CDYL2: variants seen among roughly 807,000 people sequenced by gnomAD.
The protein encoded by CDYL2 is chromodomain Y like 2.
Under a neutral mutation model 49.4 loss-of-function variants are expected in CDYL2, and 23 were observed. The observed-to-expected ratio is 0.47, with a 90% CI of 0.34 to 0.66. The LOEUF (loss-of-function observed/expected upper bound fraction) is 0.66. Ranked by LOEUF, CDYL2 falls within the 30% of genes least tolerant of loss-of-function variation. The pLI is 0.01. For synonymous variants in CDYL2, 360 were observed against 268.8 expected (o/e 1.34, Z -3.32); for missense variants, 678 against 656.4 (o/e 1.03, Z -0.36).
At chr16:80,770,402 C>T (rs184958510) in intron 1 of CDYL2, among the ~76,000 whole-genome samples, 2 of 152,236 alleles carry the variant, frequency 1.3e-5, no homozygotes, top group Admixed American at 1.3e-4. Context: ...TCCTCCACAC[C>T]ATGGTTTTCA....
intron 3 of CDYL2, among the ~76,000 whole-genome samples, chr16:80,623,592 A>T (rs1199354639): frequency 1.3e-5 from 2 of 152,212 alleles, no homozygotes; most frequent in African/African-American, 4.8e-5. Context: ...CTTCATGTTC[A>T]TGGGACCTGC....
intron 2 of CDYL2, among the ~76,000 whole-genome samples, chr16:80,647,730 T>C (rs535043746): frequency 2.6e-5 from 4 of 152,186 alleles, no homozygotes; most frequent in Non-Finnish European, 5.9e-5. Context: ...GGCTGCAGCA[T>C]TCTCTTCTGT....
intron 2 of CDYL2, among the ~76,000 whole-genome samples, chr16:80,633,716 A>AC (rs146240167): frequency 0.084 from 12,756 of 151,906 alleles, 996 homozygotes; most frequent in Admixed American, 0.25. Flanking sequence ...GGGCTCTGGG[A>AC]CCCCCCTAGG....
intron 1 of CDYL2, among the ~76,000 whole-genome samples, chr16:80,724,893 G>A (rs1905115415): frequency 1.3e-5 from 2 of 152,148 alleles, no homozygotes. Flanking sequence ...GGTGGCCAGG[G>A]GAATCTTTTA....
At chr16:80,623,109 C>T (rs541403797) in intron 3 of CDYL2, among the ~76,000 whole-genome samples, 1 of 152,164 alleles carries the variant, frequency 6.6e-6, no homozygotes, top group Non-Finnish European at 1.5e-5. Flanking sequence ...CACTTTCAAA[C>T]TTCGCTGCTC....
At chr16:80,722,998 G>A (rs561762856) in intron 1 of CDYL2, among the ~76,000 whole-genome samples, 1 of 152,232 alleles carries the variant, frequency 6.6e-6, no homozygotes, top group South Asian at 2.1e-4. Context: ...AAGACATAGA[G>A]GGGCCATGGG....
intron 2 of CDYL2, among the ~76,000 whole-genome samples, chr16:80,659,899 G>A (rs1025284121): frequency 3.3e-5 from 5 of 151,794 alleles, no homozygotes; most frequent in African/African-American, 1.2e-4. Context: ...AGGACACACA[G>A]ACAAATAATA....
intron 2 of CDYL2, among the ~76,000 whole-genome samples, chr16:80,677,026 A>G (rs1207417652): frequency 7.2e-6 from 1 of 138,836 alleles, no homozygotes; most frequent in Non-Finnish European, 1.5e-5. Context: ...GCTGGAGTGC[A>G]GTGGCACAAT....
chr16:80,692,359 T>C (rs890339051), intron 1 of CDYL2, among the ~76,000 whole-genome samples: 1 of 152,176 alleles, frequency 6.6e-6, no homozygotes, highest in Non-Finnish European at 1.5e-5. Context: ...GCAATAAATA[T>C]TCTGAACTCA....
chr16:80,652,171 A>G (rs1165211275), intron 2 of CDYL2, among the ~76,000 whole-genome samples: 3 of 152,210 alleles, frequency 2.0e-5, no homozygotes, highest in South Asian at 4.1e-4. Context: ...CTAGTTTCTA[A>G]CACAATTCTC....
chr16:80,766,973 C>T (rs2142390161), intron 1 of CDYL2, among the ~76,000 whole-genome samples: 1 of 152,240 alleles, frequency 6.6e-6, no homozygotes, highest in South Asian at 2.1e-4. Context: ...CCCCATTTTG[C>T]AGATGAATAA....
chr16:80,782,217 T>C (rs1307899283), intron 1 of CDYL2, among the ~76,000 whole-genome samples: 1 of 151,894 alleles, frequency 6.6e-6, no homozygotes, highest in Non-Finnish European at 1.5e-5. Context: ...TTTAAAATGC[T>C]ATAAATAATT....
chr16:80,724,099 AAAG>A (rs1905088094), intron 1 of CDYL2, among the ~76,000 whole-genome samples: 1 of 150,394 alleles, frequency 6.6e-6, no homozygotes, highest in African/African-American at 2.5e-5. Context: ...GAGGAAGGAA[AAAG>A]AAGAGGAAGA....
At chr16:80,798,325 G>T (rs1383332629) in intron 1 of CDYL2, among the ~76,000 whole-genome samples, 1 of 152,182 alleles carries the variant, frequency 6.6e-6, no homozygotes. Flanking sequence ...TTACAGGCAT[G>T]AGCCACAGTG....
At chr16:80,710,037 C>T (rs1904541468) in intron 1 of CDYL2, among the ~76,000 whole-genome samples, 1 of 151,966 alleles carries the variant, frequency 6.6e-6, no homozygotes, top group Admixed American at 6.6e-5. Context: ...AAGTGATTCT[C>T]CTGCTTCAGC....
At position 80,612,957 on chromosome 16, in the gene CDYL2, A is replaced by G; in HGVS notation, c.1008-121T>C. On this transcript the variant is annotated intron_variant, in intron 4 of 6. Coordinates refer to ENST00000570137, the MANE Select transcript of CDYL2 (RefSeq NM_152342.4). This position sits in a 1 kb window ranked among gnomAD's most constrained non-coding sequence, Gnocchi z 5.0. ...CAGGTCGTCAGAGGTTAGAGGTGCC[A>G]GGCAAGGGCCTCATTGCCTGGACAT... is the stretch of plus-strand genomic sequence containing the variant. 1.2e-6 allele frequency: 1 copy of G among 847,286 alleles called. No individual in the cohort carries two copies. Among genetic ancestry groups the G allele is most frequent in the East Asian group, 2.8e-5 (1 of 36,070 alleles). The allele number at this position is 847,286 out of a possible 1,614,324, so 52.5% of individuals were successfully genotyped here. A position where few individuals can be genotyped will look rare whatever the true frequency, so the allele number is the denominator to read the frequency against.
chr16:80,637,699 G>A (rs555950914), intron 2 of CDYL2, among the ~76,000 whole-genome samples: 7 of 152,256 alleles, frequency 4.6e-5, no homozygotes, highest in African/African-American at 1.7e-4. Context: ...ACAATGGAGA[G>A]ATTATACTTA....
chr16:80,781,506 G>T (rs1222539460), intron 1 of CDYL2, among the ~76,000 whole-genome samples: 1 of 152,040 alleles, frequency 6.6e-6, no homozygotes, highest in Non-Finnish European at 1.5e-5. Context: ...GAAAATAGAT[G>T]ACTTGAAGAA....
intron 1 of CDYL2, among the ~76,000 whole-genome samples, chr16:80,775,493 GA>G (rs1384833145): frequency 6.6e-6 from 1 of 150,902 alleles, no homozygotes; most frequent in Non-Finnish European, 1.5e-5. Flanking sequence ...GACATTGGTA[GA>G]AAAAAATAGC....
Sources: allele counts gnomAD v4.1 joint callset (sites outside exome capture counted in the v4.1 genomes callset), GRCh38; gene constraint gnomAD v4.1.1; non-coding constraint Gnocchi (gnomAD v3.1); transcripts MANE v1.5; gene names NCBI Gene and HGNC (gene_info 2026-07-23, HGNC 2026-07-21).